The following RIMS2 variants were observed in gnomAD, a reference collection of about 807,000 sequenced individuals.
RIMS2 encodes the protein regulating synaptic membrane exocytosis 2.
Under a neutral mutation model 174.4 loss-of-function variants are expected in RIMS2, and 59 were observed. That is an observed-to-expected ratio of 0.34 (90% CI 0.27 to 0.42). The LOEUF is 0.42. Ranked by LOEUF, RIMS2 falls within the 10% of genes least tolerant of loss-of-function variation. The probability of loss-of-function intolerance (pLI) is 1.00; values close to 1 mark genes in which losing one functional copy is unlikely to be tolerated. For synonymous variants in RIMS2, 606 were observed against 572.5 expected (o/e 1.06, Z -0.84); for missense variants, 1,620 against 1,666.3 (o/e 0.97, Z 0.48).
intron 3 of RIMS2, among the ~76,000 whole-genome samples, chr8:103,789,550 A>C (rs779069770): frequency 1.3e-5 from 2 of 152,224 alleles, no homozygotes; most frequent in Admixed American, 1.3e-4. Flanking sequence ...CATCATATTC[A>C]CAGATCCTGC....
At chr8:104,140,559 T>G (rs73299456) in intron 19 of RIMS2, among the ~76,000 whole-genome samples, 5,161 of 152,264 alleles carry the variant, frequency 0.034, 249 homozygotes, top group African/African-American at 0.11. Flanking sequence ...AAGTGGTACC[T>G]CTAGGTAGAT....
intron 3 of RIMS2, among the ~76,000 whole-genome samples, chr8:103,804,078 G>T (rs979342942): frequency 6.6e-6 from 1 of 152,100 alleles, no homozygotes; most frequent in African/African-American, 2.4e-5. Flanking sequence ...TTGTTTTGCA[G>T]CAATGGCAAA....
At chr8:103,548,119 C>A (rs1050753054) in intron 1 of RIMS2, among the ~76,000 whole-genome samples, 1 of 152,100 alleles carries the variant, frequency 6.6e-6, no homozygotes, top group Non-Finnish European at 1.5e-5. Context: ...TGAAACTATT[C>A]CAAAACAACT....
chr8:103,527,152 A>G (rs550560027), intron 1 of RIMS2, among the ~76,000 whole-genome samples: 2 of 152,304 alleles, frequency 1.3e-5, no homozygotes, highest in African/African-American at 2.4e-5. Flanking sequence ...TTTATGTCCA[A>G]TGAAAATAGC....
intron 19 of RIMS2, among the ~76,000 whole-genome samples, chr8:104,073,520 C>T (rs2097232490): frequency 6.6e-6 from 1 of 152,132 alleles, no homozygotes; most frequent in South Asian, 2.1e-4. Context: ...ACAAAAATGT[C>T]TCACTCCTAT....
At chr8:103,629,250 G>A (rs1347751664) in intron 1 of RIMS2, among the ~76,000 whole-genome samples, 1 of 152,320 alleles carries the variant, frequency 6.6e-6, no homozygotes, top group South Asian at 2.1e-4. Flanking sequence ...GCTGAAGGAG[G>A]ATTACTGAGA....
rs545587936 is a variant in RIMS2 at position 103,594,122 on chromosome 8, A to G, written c.176+93060A>G. Among the ~76,000 whole-genome samples, 3 of 151,780 alleles carry G rather than the reference A, an allele frequency of 2.0e-5. No homozygotes were observed. In the South Asian group the frequency reaches 6.2e-4, roughly 31 times the overall value. On this transcript the variant is annotated intron_variant, in intron 1 of 23. Coordinates refer to ENST00000504942, the Ensembl canonical transcript of RIMS2. Reference sequence around the variant, plus strand: ...TATTTTTGGGCGTGTACATGTGCAGAACAGTGAAAAATTTGAGTAACTCCA... The same window carrying G: ...TATTTTTGGGCGTGTACATGTGCAGGACAGTGAAAAATTTGAGTAACTCCA...
At chr8:103,607,329 C>T (rs1304432161) in intron 1 of RIMS2, among the ~76,000 whole-genome samples, 1 of 151,664 alleles carries the variant, frequency 6.6e-6, no homozygotes, top group Admixed American at 6.6e-5. Context: ...GAATATTGGC[C>T]CCCACTCTCT....
chr8:103,651,430 G>C (rs2096450627), intron 1 of RIMS2, among the ~76,000 whole-genome samples: 1 of 149,518 alleles, frequency 6.7e-6, no homozygotes, highest in Non-Finnish European at 1.5e-5. Flanking sequence ...TTCTAAATCA[G>C]TTTCTGACTG....
At chr8:103,893,062 T>C (rs527319580) in intron 4 of RIMS2, among the ~76,000 whole-genome samples, 2 of 152,200 alleles carry the variant, frequency 1.3e-5, no homozygotes, top group East Asian at 3.9e-4. Flanking sequence ...TGAAAAAGCA[T>C]TGAAATAGCA....
intron 3 of RIMS2, among the ~76,000 whole-genome samples, chr8:103,882,962 A>G (rs1202149294): frequency 1.3e-5 from 2 of 151,648 alleles, no homozygotes; most frequent in Non-Finnish European, 3.0e-5. Context: ...ACTCAGTTTA[A>G]CATTAAATGT....
chr8:103,755,036 C>T (rs949048381), intron 2 of RIMS2, among the ~76,000 whole-genome samples: 1 of 152,132 alleles, frequency 6.6e-6, no homozygotes. Context: ...ATGGTCTTTA[C>T]AATTTGGTAT....
chr8:104,048,732 CT>C (rs1415567633), intron 19 of RIMS2, among the ~76,000 whole-genome samples: 1 of 151,348 alleles, frequency 6.6e-6, no homozygotes. Flanking sequence ...AAACACATTT[CT>C]TTTTTTGTAA....
At chr8:103,507,600 T>C (rs1824291875) in intron 1 of RIMS2, among the ~76,000 whole-genome samples, 1 of 152,136 alleles carries the variant, frequency 6.6e-6, no homozygotes, top group Non-Finnish European at 1.5e-5. Flanking sequence ...TCAAATGTAA[T>C]TTTTAAACAT....
intron 13 of RIMS2, among the ~76,000 whole-genome samples, chr8:103,942,109 C>G (rs1209602468): frequency 3.9e-5 from 6 of 151,966 alleles, no homozygotes; most frequent in Non-Finnish European, 7.4e-5. Flanking sequence ...AAGCTTAATA[C>G]CAATTAGTAT....
At chr8:103,537,726 T>G (rs780719397) in intron 1 of RIMS2, among the ~76,000 whole-genome samples, 2 of 152,290 alleles carry the variant, frequency 1.3e-5, no homozygotes, top group Middle Eastern at 6.8e-3. Flanking sequence ...AATAATGTAG[T>G]AATATTAAGT....
intron 1 of RIMS2, among the ~76,000 whole-genome samples, chr8:103,630,938 A>G (rs997696427): frequency 1.3e-5 from 2 of 152,144 alleles, no homozygotes; most frequent in Non-Finnish European, 2.9e-5. Flanking sequence ...GTGTCTGTTC[A>G]TGTTCTCTGC....
intron 1 of RIMS2, among the ~76,000 whole-genome samples, chr8:103,559,615 G>T (rs987082253): frequency 6.6e-6 from 1 of 152,140 alleles, no homozygotes; most frequent in Non-Finnish European, 1.5e-5. Flanking sequence ...ACTCATGGTG[G>T]ATCCAGAATT....
intron 3 of RIMS2, among the ~76,000 whole-genome samples, chr8:103,795,676 A>C (rs2098544792): frequency 6.6e-6 from 1 of 152,154 alleles, no homozygotes; most frequent in Non-Finnish European, 1.5e-5. Context: ...TCCTAAAAGC[A>C]AAAGATACAC....
Sources: allele counts gnomAD v4.1 joint callset (sites outside exome capture counted in the v4.1 genomes callset), GRCh38; gene constraint gnomAD v4.1.1; transcripts MANE v1.5; gene names NCBI Gene and HGNC (gene_info 2026-07-23, HGNC 2026-07-21).